The following LIMA1 variants were observed in gnomAD, a reference collection of about 807,000 sequenced individuals.
LIMA1 encodes the protein LIM domain and actin-binding protein 1.
A neutral mutation model predicts 62.6 loss-of-function variants in LIMA1; 52 were observed. The ratio of observed to expected loss-of-function variants is 0.83; its 90% CI spans 0.67 to 1.05. The LOEUF (loss-of-function observed/expected upper bound fraction) is 1.05. Ranked by LOEUF, LIMA1 falls within the 50% of genes least tolerant of loss-of-function variation. LIMA1 has a pLI of 0.00. For synonymous variants in LIMA1, 302 were observed against 317.8 expected (o/e 0.95, Z 0.53); for missense variants, 780 against 902.2 (o/e 0.86, Z 1.74).
At chr12:50,213,829 T>C (rs1941298359) in intron 4 of LIMA1, among the ~76,000 whole-genome samples, 1 of 152,216 alleles carries the variant, frequency 6.6e-6, no homozygotes, top group Non-Finnish European at 1.5e-5. Context: ...TCCCCTGACA[T>C]TGCTTGTTGA....
intron 6 of LIMA1, among the ~76,000 whole-genome samples, chr12:50,202,564 C>T (rs887012034): frequency 1.3e-5 from 2 of 152,170 alleles, no homozygotes; most frequent in African/African-American, 2.4e-5. Flanking sequence ...TAAATTTGCT[C>T]GCTTTTCACA....
intron 4 of LIMA1, 107 bp from the exon 5 acceptor site, chr12:50,206,175 T>C (rs1941149349): frequency 1.3e-6 from 1 of 788,766 alleles, no homozygotes; most frequent in Non-Finnish European, 2.0e-6. Context: ...TTTGATTTTA[T>C]ATTTTATATT....
At chr12:50,226,380 T>C (rs1941528091) in intron 3 of LIMA1, among the ~76,000 whole-genome samples, 1 of 152,104 alleles carries the variant, frequency 6.6e-6, no homozygotes, top group Non-Finnish European at 1.5e-5. Flanking sequence ...TTACCTCAAC[T>C]GCTAAAAGCA....
At chr12:50,188,553 T>C (rs1940682953) in intron 9 of LIMA1, 1 of 152,082 alleles carries the variant, frequency 6.6e-6, no homozygotes, top group Non-Finnish European at 1.5e-5. Context: ...AAACCCGAGG[T>C]GTGTGACTAT....
At chr12:50,226,491 T>G (rs1226677071) in intron 3 of LIMA1, among the ~76,000 whole-genome samples, 1 of 152,140 alleles carries the variant, frequency 6.6e-6, no homozygotes, top group Admixed American at 6.5e-5. Flanking sequence ...TACCCCTTTT[T>G]CTTAGATTTC....
intron 4 of LIMA1, among the ~76,000 whole-genome samples, chr12:50,219,051 G>A (rs542064621): frequency 2.6e-5 from 4 of 152,248 alleles, no homozygotes; most frequent in African/African-American, 7.2e-5. Context: ...AAGTTAAAAC[G>A]TGAAATATTA....
intron 1 of LIMA1, among the ~76,000 whole-genome samples, chr12:50,276,172 C>G (rs779812872): frequency 4.0e-5 from 6 of 151,852 alleles, no homozygotes; most frequent in Non-Finnish European, 8.8e-5. Context: ...TGGCAAAAAA[C>G]TAAAAGGGGA....
chr12:50,237,473 C>A (rs1359546739), intron 2 of LIMA1, among the ~76,000 whole-genome samples: 1 of 152,050 alleles, frequency 6.6e-6, no homozygotes, highest in African/African-American at 2.4e-5. Context: ...CCCATCTCTA[C>A]TAAAAATATA....
intron 1 of LIMA1, among the ~76,000 whole-genome samples, chr12:50,278,346 C>T (rs940044228): frequency 3.3e-5 from 5 of 152,218 alleles, no homozygotes; most frequent in Non-Finnish European, 7.4e-5. Context: ...GGCATGAACC[C>T]GGGACGTGGA....
At chr12:50,232,404 C>T (rs1335782482) in intron 2 of LIMA1, among the ~76,000 whole-genome samples, 1 of 148,234 alleles carries the variant, frequency 6.7e-6, no homozygotes, top group Non-Finnish European at 1.5e-5. Context: ...GGATTTCCCT[C>T]TGTTACCCAG....
chr12:50,230,145 C>T (rs534775131), intron 3 of LIMA1, among the ~76,000 whole-genome samples: 2 of 152,338 alleles, frequency 1.3e-5, no homozygotes, highest in South Asian at 4.1e-4. Flanking sequence ...AGTGATTCTC[C>T]TGGCTCAGCC....
At chr12:50,239,590 A>C (rs983264079) in intron 2 of LIMA1, among the ~76,000 whole-genome samples, 1 of 151,678 alleles carries the variant, frequency 6.6e-6, no homozygotes, top group African/African-American at 2.4e-5. Flanking sequence ...CAGTGAGCCA[A>C]GATAGCACCA....
chr12:50,269,922 T>TAAA (rs1172694068), intron 1 of LIMA1, among the ~76,000 whole-genome samples: 2 of 94,742 alleles, frequency 2.1e-5, no homozygotes, highest in African/African-American at 7.9e-5. Flanking sequence ...CTCCGTCAAA[T>TAAA]AAAAAAAAAA....
intron 4 of LIMA1, among the ~76,000 whole-genome samples, chr12:50,212,503 A>G (rs956549373): frequency 5.9e-5 from 9 of 152,206 alleles, no homozygotes; most frequent in African/African-American, 2.2e-4. Context: ...GTAAAATAAT[A>G]CACATAGAAA....
intron 1 of LIMA1, among the ~76,000 whole-genome samples, chr12:50,275,732 G>A (rs565275763): frequency 5.3e-5 from 8 of 152,218 alleles, no homozygotes; most frequent in African/African-American, 1.9e-4. Context: ...AGGCAGGAAA[G>A]AACTGGGCAG....
At chr12:50,259,190 G>T (rs1019238608) in intron 1 of LIMA1, among the ~76,000 whole-genome samples, 1 of 151,948 alleles carries the variant, frequency 6.6e-6, no homozygotes, top group South Asian at 2.1e-4. Flanking sequence ...ATGTTATCCC[G>T]TACTCAACCT....
intron 1 of LIMA1, among the ~76,000 whole-genome samples, chr12:50,274,433 A>G (rs543920784): frequency 6.6e-6 from 1 of 152,288 alleles, no homozygotes; most frequent in East Asian, 1.9e-4. Context: ...AAAATAAAAA[A>G]TTTAGCTGGG....
chr12:50,258,740 C>T (rs1368551849), intron 1 of LIMA1, among the ~76,000 whole-genome samples: 2 of 149,512 alleles, frequency 1.3e-5, no homozygotes, highest in South Asian at 2.1e-4. Context: ...CTCTGCCTCC[C>T]GGCTTCAAGC....
chr12:50,244,295 G>A (rs893759423), intron 2 of LIMA1, among the ~76,000 whole-genome samples: 13 of 152,040 alleles, frequency 8.6e-5, no homozygotes, highest in Non-Finnish European at 1.5e-4. Flanking sequence ...AGTAGAGATA[G>A]GGTTTCACCA....
Sources: gnomAD v4.1 joint callset for allele counts (sites outside exome capture counted in the v4.1 genomes callset) on GRCh38, gnomAD v4.1.1 for gene constraint, MANE v1.5 for transcripts, NCBI Gene and HGNC (gene_info 2026-07-23, HGNC 2026-07-21) for gene names.